Variants in DENND3 observed in about 807,000 individuals in gnomAD.
DENND3 encodes the protein DENN domain-containing protein 3.
A neutral mutation model predicts 135.1 loss-of-function variants in DENND3; 88 were observed. That is an observed-to-expected ratio of 0.65 (90% confidence interval 0.55 to 0.78). DENND3 has a LOEUF of 0.78. Among genes scored for constraint, DENND3 ranks in the 30% least tolerant of loss-of-function variants. The pLI is 0.00. For synonymous variants in DENND3, 693 were observed against 712.3 expected (o/e 0.97, Z 0.43); for missense variants, 1,392 against 1,688.4 (o/e 0.82, Z 3.08).
In DENND3 at chr8:141,169,809, C is replaced by T. The variant is rs541493175; in HGVS notation, c.2275+1284C>T. Among the ~76,000 whole-genome samples the T allele has an allele frequency of 4.7e-4, 72 of 152,326 alleles. No individual in the cohort carries two copies. The South Asian group carries it at 0.015, about 31-fold the overall frequency. On this transcript the variant is annotated intron_variant, in intron 13 of 22. Transcript: ENST00000519811. Reference sequence around the variant, plus strand: ...TGTTTTACTCATGGTGTTTTCAAGACGTATCTGTGTTGCTCCACATCCGTT... The same window carrying T: ...TGTTTTACTCATGGTGTTTTCAAGATGTATCTGTGTTGCTCCACATCCGTT...
chr8:141,161,821 G>A (rs1237563776), intron 9 of DENND3, among the ~76,000 whole-genome samples: 1 of 127,730 alleles, frequency 7.8e-6, no homozygotes, highest in Non-Finnish European at 1.6e-5. Context: ...TTTTTTTTGA[G>A]ATGGAGTCTC....
chr8:141,193,866 GT>G, intron 22 of DENND3, 166 bp from the exon 23 acceptor site: 1 of 703,050 alleles, frequency 1.4e-6, no homozygotes, highest in Non-Finnish European at 2.4e-6. Flanking sequence ...CCCGAGAAGG[GT>G]CCTGTGCACC....
intron 16 of DENND3, 100 bp from the exon 17 acceptor site, chr8:141,180,647 C>A: frequency 8.7e-7 from 1 of 1,145,600 alleles, no homozygotes; most frequent in Non-Finnish European, 1.3e-6. Context: ...GTTTTACCTG[C>A]AAGCTGATAT....
chr8:141,158,412 T>C (rs1234329667), intron 8 of DENND3: 1 of 1,131,384 alleles, frequency 8.8e-7, no homozygotes, highest in East Asian at 8.0e-5. Flanking sequence ...ATCCTCATCT[T>C]CTTGTTAGAA....
Position 141,190,380 on chromosome 8 carries a change from G to A in DENND3, c.3342G>A (p.Leu1114=). Reference sequence around the variant, plus strand: ...GCTTCCAGCTGCCGCGAGGTGGCCTGACGTCCATCAGACTGCACGGCGGCC... The same window carrying A: ...GCTTCCAGCTGCCGCGAGGTGGCCTAACGTCCATCAGACTGCACGGCGGCC... ...TSRFQLPRGG[L]TSIRLHGGRL... is the part of the protein sequence containing the mutation. Residue 1114 remains leucine, a synonymous_variant, in exon 20 of 23, where the codon CTG becomes CTA. Transcript: ENST00000519811. The A allele has an allele frequency of 6.2e-7, 1 of 1,612,768 alleles. No individual in the cohort carries two copies. The highest frequency in any genetic ancestry group is 8.5e-7 in the Non-Finnish European group (1 of 1,179,812).
At chr8:141,164,731 G>A (rs930516257) in intron 10 of DENND3, among the ~76,000 whole-genome samples, 8 of 152,218 alleles carry the variant, frequency 5.3e-5, no homozygotes, top group African/African-American at 1.9e-4. Context: ...CCAGAGCCCT[G>A]CCCGAGGCTT....
At chr8:141,188,010 A>T (rs2154613519) in intron 18 of DENND3, among the ~76,000 whole-genome samples, 1 of 133,454 alleles carries the variant, frequency 7.5e-6, no homozygotes, top group South Asian at 2.4e-4. Context: ...AACGTGGGGA[A>T]ACCCTATCTC....
chr8:141,165,381 C>A, intron 11 of DENND3, 92 bp downstream of exon 11: 3 of 992,474 alleles, frequency 3.0e-6, no homozygotes, highest in Non-Finnish European at 4.7e-6. Flanking sequence ...ATGAGAAAGT[C>A]AATGGGAAAT....
rs1168501561 is a variant in DENND3, at chr8:141,128,776, C to T, written c.69C>T (p.Gly23=). The change falls in exon 1 of 23, where the codon GGC becomes GGT. Residue 23 remains glycine, a synonymous_variant. Coordinates refer to ENST00000519811, the MANE Select transcript of DENND3 (RefSeq NM_001352890.3). The surrounding 1 kb of genome is among the most constrained non-coding windows in gnomAD (Gnocchi z 4.5). ...TGCTGGAGCTCTGCGCGCTGCTGGG[C>T]GCCCCCCGGGACAGTCTCCGAAGTC... The part of the protein sequence containing the change: ...SGLLELCALL[G]APRDSLRSLE... 6 of 1,469,184 alleles carry T rather than the reference C, an allele frequency of 4.1e-6. No individual in the cohort carries two copies. In the African/African-American group the frequency reaches 5.9e-5, roughly 14 times the overall value. The allele number at this position is 1,469,184 out of a possible 1,614,324, so 91.0% of individuals were successfully genotyped here. A position where few individuals can be genotyped will look rare whatever the true frequency, so the allele number is the denominator to read the frequency against.
chr8:141,169,397 A>C (rs1301589090), intron 13 of DENND3, among the ~76,000 whole-genome samples: 1 of 152,214 alleles, frequency 6.6e-6, no homozygotes, highest in Admixed American at 6.5e-5. Flanking sequence ...AGGGACCTAG[A>C]ATTGCTGATG....
chr8:141,165,072 T>G, intron 10 of DENND3, 114 bp from the exon 11 acceptor site: 1 of 713,568 alleles, frequency 1.4e-6, no homozygotes, highest in Non-Finnish European at 2.5e-6. Flanking sequence ...TCAGTCAATA[T>G]CCACTGGGTG....
intron 20 of DENND3, 100 bp downstream of exon 20, chr8:141,190,517 C>T: frequency 1.4e-6 from 2 of 1,411,142 alleles, no homozygotes; most frequent in Non-Finnish European, 1.8e-6. Flanking sequence ...TGCTTCACGC[C>T]TTTCCAGTCT....
chr8:141,176,041 G>A, intron 14 of DENND3: 1 of 179,722 alleles, frequency 5.6e-6, no homozygotes, highest in Non-Finnish European at 1.2e-5. Flanking sequence ...GGGACTGTAA[G>A]AGGCATGTCA....
chr8:141,159,735 C>G (rs1381495540), intron 8 of DENND3, among the ~76,000 whole-genome samples: 1 of 152,208 alleles, frequency 6.6e-6, no homozygotes, highest in African/African-American at 2.4e-5. Flanking sequence ...TCTAACGTCC[C>G]TCTAGACATG....
intron 8 of DENND3, chr8:141,157,765 T>G (rs1259152213): frequency 2.0e-6 from 2 of 981,060 alleles, no homozygotes; most frequent in African/African-American, 3.5e-5. Flanking sequence ...ACCTCTTTTT[T>G]TTTTTTTTTT....
At chr8:141,151,923 CCGCGGTGAAGG>C in intron 7 of DENND3, 86 bp downstream of exon 7, 1 of 1,520,536 alleles carries the variant, frequency 6.6e-7, no homozygotes, top group Non-Finnish European at 9.0e-7. Flanking sequence ...TGAAAGTGCT[CCGCGGTGAAGG>C]CGGGGTCTGT....
Position 141,182,627 on chromosome 8 carries a change from A to G in DENND3, c.2944+1773A>G, listed in dbSNP as rs1823295680. ...AGAGCGTGCAAAGCAGCCGTGGGGA[A>G]TGGGGAAACCGCCTTTTCCTGTGGC... is the stretch of plus-strand genomic sequence containing the variant. On this transcript the variant is annotated intron_variant, in intron 17 of 22. Transcript: ENST00000519811. The surrounding 1 kb of genome is among the most constrained non-coding windows in gnomAD (Gnocchi z 5.9). 4.6e-6 allele frequency: 2 copies of G among 431,612 alleles called. No individual in the cohort carries two copies. Among genetic ancestry groups the G allele is most frequent in the Non-Finnish European group, 6.2e-6 (2 of 324,644 alleles). 26.7% of individuals were successfully genotyped at this position (431,612 alleles called of 1,614,324 possible).
In DENND3 at chr8:141,190,418, G is replaced by T. The variant is rs1182710620; in HGVS notation, c.3379+1G>T. The T allele has an allele frequency of 1.9e-6, 3 of 1,606,662 alleles. No individual in the cohort carries two copies. Among genetic ancestry groups the T allele is most frequent in the South Asian group, 1.1e-5 (1 of 89,884 alleles). On this transcript the variant is annotated splice_donor_variant, in intron 20 of 22. Coordinates refer to ENST00000519811, the MANE Select transcript of DENND3 (RefSeq NM_001352890.3). LOFTEE classifies it high-confidence loss of function. ...CTGCACGGCGGCCGCCTGTGGTGCT[G>T]TAAGTCCGGCCCCTGCCATCAGAGC...
intron 15 of DENND3, 29 bp from the exon 16 acceptor site, chr8:141,178,038 G>A: frequency 6.3e-7 from 1 of 1,584,884 alleles, no homozygotes; most frequent in East Asian, 2.3e-5. Context: ...GATTCTTGCT[G>A]TTTTGAAACG....
Sources: gnomAD v4.1 joint callset for allele counts (sites outside exome capture counted in the v4.1 genomes callset) on GRCh38, gnomAD v4.1.1 for gene constraint, Gnocchi (gnomAD v3.1) non-coding constraint, MANE v1.5 for transcripts, NCBI Gene and HGNC (gene_info 2026-07-23, HGNC 2026-07-21) for gene names.